Variants in HERC3 observed in about 807,000 individuals in gnomAD.
The protein encoded by HERC3 is HECT and RLD domain containing E3 ubiquitin protein ligase 3.
A neutral mutation model predicts 129.9 loss-of-function variants in HERC3; 58 were observed. The ratio of observed to expected loss-of-function variants is 0.45; its 90% CI spans 0.36 to 0.56. The LOEUF is 0.56. Among genes scored for constraint, HERC3 ranks in the 20% least tolerant of loss-of-function variants. HERC3 has a pLI of 0.00. For synonymous variants in HERC3, 430 were observed against 451.0 expected (o/e 0.95, Z 0.59); for missense variants, 835 against 1,244.2 (o/e 0.67, Z 4.95).
the HERC3 span, among the ~76,000 whole-genome samples, chr4:88,542,697 T>C: frequency 1.3e-5 from 2 of 152,330 alleles, no homozygotes; most frequent in African/African-American, 4.8e-5. Context: ...AATAAAATAC[T>C]GTGAAACCAA....
intron 21 of HERC3, among the ~76,000 whole-genome samples, chr4:88,684,402 C>G (rs1031042154): frequency 6.6e-5 from 10 of 152,278 alleles, no homozygotes; most frequent in African/African-American, 2.4e-4. Flanking sequence ...GCTGGGAAAA[C>G]TGGCTAGGCA....
chr4:88,585,123 GC>G, the HERC3 span, among the ~76,000 whole-genome samples: 8 of 152,216 alleles, frequency 5.3e-5, no homozygotes, highest in Non-Finnish European at 1.2e-4. Flanking sequence ...GGTGGAAGGG[GC>G]TAGCTACCTC....
At chr4:88,669,825 A>G (rs1477894824) in intron 14 of HERC3, 35 bp from the exon 15 acceptor site, 1 of 1,575,098 alleles carries the variant, frequency 6.3e-7, no homozygotes, top group Middle Eastern at 1.7e-4. Context: ...GCCCAAGATT[A>G]CATGTTGAAA....
At chr4:88,692,655 C>CA (rs1294912300) in intron 23 of HERC3, among the ~76,000 whole-genome samples, 11 of 152,116 alleles carry the variant, frequency 7.2e-5, no homozygotes, top group African/African-American at 2.7e-4. Flanking sequence ...GAGTGCTTAC[C>CA]ATGCATCAGA....
the HERC3 span, among the ~76,000 whole-genome samples, chr4:88,585,170 C>G: frequency 6.6e-6 from 1 of 152,214 alleles, no homozygotes; most frequent in Non-Finnish European, 1.5e-5. Context: ...TAATTCTAGT[C>G]ACAAGGGCTC....
At chr4:88,637,908 A>G (rs1560704241) in intron 3 of HERC3, among the ~76,000 whole-genome samples, 3 of 152,246 alleles carry the variant, frequency 2.0e-5, no homozygotes, top group Non-Finnish European at 4.4e-5. Flanking sequence ...TAAAGGGGAT[A>G]TCACCACTGA....
intron 5 of HERC3, 62 bp downstream of exon 5, chr4:88,652,150 TTTTG>T: frequency 1.6e-6 from 2 of 1,246,236 alleles, no homozygotes; most frequent in Non-Finnish European, 2.4e-6. Context: ...CTCTTTGTCT[TTTTG>T]TGTGATATTA....
intron 25 of HERC3, among the ~76,000 whole-genome samples, chr4:88,705,421 A>C (rs1041003839): frequency 6.6e-6 from 1 of 152,258 alleles, no homozygotes; most frequent in African/African-American, 2.4e-5. Context: ...AGTCAATTGT[A>C]GAATACATTC....
intron 3 of HERC3, among the ~76,000 whole-genome samples, chr4:88,634,104 C>T (rs1473065066): frequency 4.8e-5 from 7 of 147,114 alleles, no homozygotes; most frequent in Non-Finnish European, 6.0e-5. Flanking sequence ...TGTGGTGCGG[C>T]GGCCCACCTG....
At chr4:88,571,953 G>A in the HERC3 span, among the ~76,000 whole-genome samples, 1 of 152,134 alleles carries the variant, frequency 6.6e-6, no homozygotes, top group Non-Finnish European at 1.5e-5. Context: ...TATTTGGAGA[G>A]GGGGTCTTCC....
chr4:88,685,105 C>A (rs1733270699), intron 21 of HERC3, among the ~76,000 whole-genome samples: 1 of 152,104 alleles, frequency 6.6e-6, no homozygotes, highest in East Asian at 1.9e-4. Flanking sequence ...CAGATGCTGG[C>A]AAGGCTCTGA....
chr4:88,698,766 C>T (rs1163410511), intron 23 of HERC3, among the ~76,000 whole-genome samples: 2 of 150,812 alleles, frequency 1.3e-5, no homozygotes, highest in Admixed American at 6.6e-5. Flanking sequence ...GCCCCTCCCC[C>T]GCACTGACTT....
chr4:88,697,016 G>A (rs1376981625), intron 23 of HERC3: 1 of 512,102 alleles, frequency 2.0e-6, no homozygotes, highest in Non-Finnish European at 3.3e-6. Context: ...TGTTCAAAAT[G>A]AAAGTCAAAT....
At chr4:88,575,901 G>A in the HERC3 span, among the ~76,000 whole-genome samples, 11 of 152,236 alleles carry the variant, frequency 7.2e-5, no homozygotes, top group Non-Finnish European at 1.0e-4. Flanking sequence ...TAGGTGCTGC[G>A]TAGATGGTGG....
rs765315774 is a variant in HERC3 at position 88,655,920 on chromosome 4, A to G, written c.954A>G (p.Ala318=). 9 of 1,614,048 alleles carry G rather than the reference A, an allele frequency of 5.6e-6. No homozygotes were observed. In the Admixed American group the frequency reaches 1.3e-4, roughly 24 times the overall value. The change falls in exon 9 of 26, where the codon GCA becomes GCG. Residue 318 remains alanine, a synonymous_variant. Transcript: ENST00000402738. ...AFVPSSGLIY[A]FGCGARGQLG... ...TGCCTTCTTCTGGACTCATCTATGC[A>G]TTTGGTTGTGGAGCAAGAGGTCAAT...
intron 3 of HERC3, among the ~76,000 whole-genome samples, chr4:88,635,713 C>G (rs924369993): frequency 1.3e-5 from 2 of 151,972 alleles, no homozygotes; most frequent in Non-Finnish European, 1.5e-5. Flanking sequence ...TCACCAAGGT[C>G]AAAATGAAGG....
chr4:88,611,285 A>C (rs543358220), intron 3 of HERC3, among the ~76,000 whole-genome samples: 1 of 152,236 alleles, frequency 6.6e-6, no homozygotes, highest in South Asian at 2.1e-4. Flanking sequence ...TTTGTTTTTA[A>C]TGAGTGGGAA....
At chr4:88,593,696 CTT>C (rs1209389833) in intron 1 of HERC3, among the ~76,000 whole-genome samples, 1 of 152,166 alleles carries the variant, frequency 6.6e-6, no homozygotes, top group African/African-American at 2.4e-5. Flanking sequence ...TCTTCTGGCT[CTT>C]TCCACAAATA....
intron 9 of HERC3, among the ~76,000 whole-genome samples, chr4:88,657,955 C>T (rs1028082485): frequency 1.3e-5 from 2 of 151,734 alleles, no homozygotes; most frequent in African/African-American, 2.4e-5. Context: ...ATAAAGGCAA[C>T]GTGGTAGTAG....
Sources: gnomAD v4.1 joint callset for allele counts (sites outside exome capture counted in the v4.1 genomes callset) on GRCh38, gnomAD v4.1.1 for gene constraint, MANE v1.5 for transcripts, NCBI Gene and HGNC (gene_info 2026-07-23, HGNC 2026-07-21) for gene names.